GUCY1A2: variants seen among roughly 807,000 people sequenced by gnomAD.
GUCY1A2 encodes the protein guanylate cyclase 1 soluble subunit alpha 2.
A neutral mutation model predicts 63.5 loss-of-function variants in GUCY1A2; 27 were observed. That is an observed-to-expected ratio of 0.43 (90% confidence interval 0.31 to 0.59). The LOEUF is 0.59. Among genes scored for constraint, GUCY1A2 ranks in the 20% least tolerant of loss-of-function variants. GUCY1A2 has a pLI of 0.11. For missense variants in GUCY1A2, 768 were observed against 913.3 expected, an observed-to-expected ratio of 0.84 and a Z score of 2.05; for synonymous variants, 364 against 343.5, an observed-to-expected ratio of 1.06 and a Z score of -0.66.
intron 4 of GUCY1A2, among the ~76,000 whole-genome samples, chr11:106,885,100 G>A (rs544891351): frequency 2.0e-4 from 30 of 152,236 alleles, no homozygotes; most frequent in African/African-American, 6.5e-4. Flanking sequence ...AGCAATGTAC[G>A]TCACCAGCTC....
intron 6 of GUCY1A2, among the ~76,000 whole-genome samples, chr11:106,721,556 T>G (rs968993450): frequency 6.6e-6 from 1 of 152,332 alleles, no homozygotes; most frequent in East Asian, 1.9e-4. Flanking sequence ...TGTATTAATG[T>G]TGTTACCAAC....
intron 4 of GUCY1A2, among the ~76,000 whole-genome samples, chr11:106,877,927 C>A (rs777393233): frequency 6.6e-6 from 1 of 151,372 alleles, no homozygotes; most frequent in African/African-American, 2.4e-5. Context: ...AACAAACTTA[C>A]AAGAAAGAAA....
At chr11:106,861,439 G>A (rs185003387) in intron 4 of GUCY1A2, among the ~76,000 whole-genome samples, 2 of 151,920 alleles carry the variant, frequency 1.3e-5, no homozygotes, top group East Asian at 3.9e-4. Flanking sequence ...TTTGTTGCTA[G>A]GACTTTTTAC....
At chr11:106,880,528 C>A (rs1859809699) in intron 4 of GUCY1A2, among the ~76,000 whole-genome samples, 1 of 151,984 alleles carries the variant, frequency 6.6e-6, no homozygotes, top group Non-Finnish European at 1.5e-5. Context: ...CAGTGCTATC[C>A]CTATTGAAAT....
chr11:106,709,389 TTA>T (rs1245391232), intron 6 of GUCY1A2, among the ~76,000 whole-genome samples: 1 of 93,866 alleles, frequency 1.1e-5, no homozygotes, highest in African/African-American at 4.4e-5. Context: ...ATATTATATA[TTA>T]TATAAATTAT....
intron 4 of GUCY1A2, among the ~76,000 whole-genome samples, chr11:106,900,136 G>C (rs1319698088): frequency 6.7e-6 from 1 of 148,416 alleles, no homozygotes; most frequent in African/African-American, 2.5e-5. Flanking sequence ...ATCAATGTAA[G>C]ATGCCTGATA....
At chr11:106,959,561 A>G (rs1861033751) in intron 3 of GUCY1A2, among the ~76,000 whole-genome samples, 1 of 152,208 alleles carries the variant, frequency 6.6e-6, no homozygotes, top group South Asian at 2.1e-4. Flanking sequence ...GACTCTAGGC[A>G]TTGCCTTCAG....
intron 1 of GUCY1A2, among the ~76,000 whole-genome samples, chr11:107,011,626 T>C (rs1861747458): frequency 6.8e-6 from 1 of 146,990 alleles, no homozygotes; most frequent in Admixed American, 6.9e-5. Flanking sequence ...AAGGAGTATA[T>C]AATATATAAT....
At position 106,686,978 on chromosome 11, in the gene GUCY1A2, ATGT is replaced by A. The variant is rs1047048002; in HGVS notation, c.*568_*570del. ...AGAAGCAGATTCTGAAAATCTAATA[ATGT>A]TGTGCGAAATGTAGTTATCTAGAAG... is the stretch of plus-strand genomic sequence containing the variant. On this transcript the variant is annotated 3_prime_UTR_variant, in exon 8 of 8. Coordinates refer to ENST00000526355, the MANE Select transcript of GUCY1A2 (RefSeq NM_000855.3). The A allele has an allele frequency of 2.5e-5, 5 of 203,512 alleles. No homozygotes were observed. Among genetic ancestry groups the A allele is most frequent in the African/African-American group, 9.1e-5 (4 of 43,754 alleles). 12.6% of individuals were successfully genotyped at this position (203,512 alleles called of 1,614,324 possible).
chr11:106,980,249 G>GTGCTC (rs1418476186), intron 2 of GUCY1A2, among the ~76,000 whole-genome samples: 2 of 152,168 alleles, frequency 1.3e-5, no homozygotes, highest in African/African-American at 4.8e-5. Context: ...GGTTGTCATG[G>GTGCTC]TGCTCTTCCA....
chr11:106,943,763 C>A (rs897942008), intron 3 of GUCY1A2, among the ~76,000 whole-genome samples: 2 of 152,170 alleles, frequency 1.3e-5, no homozygotes, highest in Non-Finnish European at 2.9e-5. Context: ...CAAAAAGACA[C>A]ATGACTTTCT....
intron 6 of GUCY1A2, among the ~76,000 whole-genome samples, chr11:106,730,379 G>A (rs1280065981): frequency 6.6e-6 from 1 of 151,766 alleles, no homozygotes; most frequent in African/African-American, 2.4e-5. Flanking sequence ...TTGGTTTTCT[G>A]TTCCTGTGTT....
chr11:106,936,707 C>G, intron 4 of GUCY1A2: 1 of 1,493,524 alleles, frequency 6.7e-7, no homozygotes, highest in Non-Finnish European at 8.9e-7. Flanking sequence ...CGGTGACATG[C>G]TTGCTCTTGA....
chr11:106,973,721 C>G (rs1404849358), intron 3 of GUCY1A2, among the ~76,000 whole-genome samples: 1 of 152,084 alleles, frequency 6.6e-6, no homozygotes, highest in African/African-American at 2.4e-5. Context: ...CTTGTTAACT[C>G]TGACCAAAGA....
chr11:106,756,149 A>T (rs945986294), intron 6 of GUCY1A2, among the ~76,000 whole-genome samples: 13 of 152,100 alleles, frequency 8.5e-5, no homozygotes, highest in Non-Finnish European at 1.6e-4. Context: ...AGTCTGTTTT[A>T]TCAGAGACTA....
At chr11:106,891,921 G>T (rs1305091897) in intron 4 of GUCY1A2, among the ~76,000 whole-genome samples, 5 of 152,038 alleles carry the variant, frequency 3.3e-5, no homozygotes, top group Non-Finnish European at 7.4e-5. Context: ...AGACAGCAGC[G>T]ACTACAAAAA....
intron 4 of GUCY1A2, among the ~76,000 whole-genome samples, chr11:106,819,554 G>T (rs542640002): frequency 7.2e-5 from 11 of 152,184 alleles, no homozygotes; most frequent in African/African-American, 2.6e-4. Context: ...CTTGATGAAG[G>T]CTCAGATAAT....
intron 4 of GUCY1A2, among the ~76,000 whole-genome samples, chr11:106,918,502 G>A (rs964122869): frequency 6.9e-6 from 1 of 145,288 alleles, no homozygotes; most frequent in Non-Finnish European, 1.5e-5. Flanking sequence ...TCCTCGCCAT[G>A]GACATCAGAC....
chr11:106,896,794 G>A (rs1860056480), intron 4 of GUCY1A2, among the ~76,000 whole-genome samples: 1 of 152,124 alleles, frequency 6.6e-6, no homozygotes, highest in Non-Finnish European at 1.5e-5. Context: ...GAATTTCCCA[G>A]CCTCCAAAGT....
Sources: gnomAD v4.1 joint callset for allele counts (sites outside exome capture counted in the v4.1 genomes callset) on GRCh38, gnomAD v4.1.1 for gene constraint, MANE v1.5 for transcripts, NCBI Gene and HGNC (gene_info 2026-07-23, HGNC 2026-07-21) for gene names.